Variants in PICALM observed in about 807,000 individuals in gnomAD.
PICALM encodes the protein phosphatidylinositol binding clathrin assembly protein.
Under a neutral mutation model 80.5 loss-of-function variants are expected in PICALM, and 40 were observed. That is an observed-to-expected ratio of 0.50 (90% CI 0.39 to 0.65). The LOEUF is 0.65. Among genes scored for constraint, PICALM ranks in the 30% least tolerant of loss-of-function variants. PICALM has a pLI of 0.00. For missense variants in PICALM, 676 were observed against 778.9 expected (o/e 0.87, Z 1.57); for synonymous variants, 288 against 260.3 (o/e 1.11, Z -1.02).
At chr11:85,966,857 C>T (rs2093918472) in intron 19 of PICALM, among the ~76,000 whole-genome samples, 1 of 152,110 alleles carries the variant, frequency 6.6e-6, no homozygotes, top group South Asian at 2.1e-4. Flanking sequence ...AATGGGGCTA[C>T]CAAAAGCTGG....
At chr11:86,033,861 A>G (rs1218417263) in intron 1 of PICALM, among the ~76,000 whole-genome samples, 19 of 152,202 alleles carry the variant, frequency 1.2e-4, no homozygotes, top group Admixed American at 1.2e-3. Flanking sequence ...TTTTTTCAAA[A>G]GCATCCAAGA....
intron 19 of PICALM, among the ~76,000 whole-genome samples, chr11:85,963,236 G>T (rs539461647): frequency 6.6e-6 from 1 of 151,946 alleles, no homozygotes; most frequent in South Asian, 2.1e-4. Flanking sequence ...TTCACATAAA[G>T]CACAAAATCA....
chr11:85,977,406 T>C (rs2094316100), intron 17 of PICALM, among the ~76,000 whole-genome samples: 1 of 152,214 alleles, frequency 6.6e-6, no homozygotes, highest in Admixed American at 6.5e-5. Flanking sequence ...AAACATACAA[T>C]TTGAGAACAG....
intron 5 of PICALM, 111 bp downstream of exon 5, chr11:86,014,759 A>G: frequency 1.8e-6 from 1 of 565,162 alleles, no homozygotes; most frequent in African/African-American, 2.0e-5. Flanking sequence ...TTAGCCATAT[A>G]GGATATCAGG....
chr11:86,031,351 T>A (rs771553153), intron 2 of PICALM, 118 bp downstream of exon 2: 5 of 711,706 alleles, frequency 7.0e-6, no homozygotes, highest in African/African-American at 1.8e-5. Context: ...ATAATTATAT[T>A]TCTGGCTAGG....
intron 4 of PICALM, among the ~76,000 whole-genome samples, chr11:86,017,916 G>A (rs1159140525): frequency 6.6e-6 from 1 of 152,192 alleles, no homozygotes; most frequent in African/African-American, 2.4e-5. Flanking sequence ...GTGCGCCTGT[G>A]TGAATATACA....
chr11:86,063,634 T>C (rs373485489), intron 1 of PICALM, among the ~76,000 whole-genome samples: 1 of 152,148 alleles, frequency 6.6e-6, no homozygotes, highest in Non-Finnish European at 1.5e-5. Flanking sequence ...TGTTCTGCCA[T>C]GGCGACAGAA....
At chr11:86,063,699 C>A (rs981906582) in intron 1 of PICALM, among the ~76,000 whole-genome samples, 1 of 152,118 alleles carries the variant, frequency 6.6e-6, no homozygotes, top group Non-Finnish European at 1.5e-5. Flanking sequence ...TCAAATCTTA[C>A]TCATTACTAC....
intron 12 of PICALM, among the ~76,000 whole-genome samples, chr11:85,993,750 A>C (rs1016259375): frequency 6.6e-6 from 1 of 152,120 alleles, no homozygotes; most frequent in Non-Finnish European, 1.5e-5. Flanking sequence ...GCAAAAGTTT[A>C]ATTTTATGCT....
chr11:86,047,002 G>A (rs1406805332), intron 1 of PICALM, among the ~76,000 whole-genome samples: 2 of 152,272 alleles, frequency 1.3e-5, no homozygotes, highest in East Asian at 1.9e-4. Context: ...CAACAGCCTT[G>A]TGCCAAGGCA....
At chr11:86,035,455 AAAAG>A (rs2095824586) in intron 1 of PICALM, among the ~76,000 whole-genome samples, 1 of 152,228 alleles carries the variant, frequency 6.6e-6, no homozygotes, top group South Asian at 2.1e-4. Context: ...GATTTTCTAA[AAAAG>A]AAGCCTGGCC....
At chr11:86,024,417 T>TA (rs780499259) in intron 3 of PICALM, among the ~76,000 whole-genome samples, 180 of 133,034 alleles carry the variant, frequency 1.4e-3, no homozygotes, top group African/African-American at 2.2e-3. Context: ...CCAGTCACAT[T>TA]AAAAAAAAAA....
chr11:85,997,991 A>G (rs2095029779), intron 11 of PICALM, among the ~76,000 whole-genome samples: 1 of 152,100 alleles, frequency 6.6e-6, no homozygotes, highest in Non-Finnish European at 1.5e-5. Flanking sequence ...CACACTGCCC[A>G]GGCTGGCCTC....
At chr11:86,050,945 C>T (rs1487063223) in intron 1 of PICALM, among the ~76,000 whole-genome samples, 2 of 152,152 alleles carry the variant, frequency 1.3e-5, no homozygotes, top group Non-Finnish European at 2.9e-5. Flanking sequence ...ACCTCAGTCA[C>T]CTGAGTAGCT....
chr11:86,048,846 A>C (rs2096125727), intron 1 of PICALM, among the ~76,000 whole-genome samples: 1 of 151,974 alleles, frequency 6.6e-6, no homozygotes, highest in Non-Finnish European at 1.5e-5. Context: ...TCAAAAAAAA[A>C]AAAAAAAAAA....
chr11:85,995,563 T>A (rs1311883630), intron 12 of PICALM, among the ~76,000 whole-genome samples: 1 of 152,192 alleles, frequency 6.6e-6, no homozygotes, highest in Admixed American at 6.5e-5. Context: ...TTCTTTGAAA[T>A]GTTTAATATA....
At chr11:86,040,023 A>G (rs2137022954) in intron 1 of PICALM, among the ~76,000 whole-genome samples, 1 of 151,350 alleles carries the variant, frequency 6.6e-6, no homozygotes, top group African/African-American at 2.4e-5. Context: ...AAAAAAAAAA[A>G]AAAAGGCAAC....
In PICALM at chr11:86,040,304, G is replaced by A. The variant is rs369938461; in HGVS notation, c.131-8693C>T. On this transcript the variant is annotated intron_variant, in intron 1 of 19. Coordinates refer to ENST00000393346, the MANE Select transcript of PICALM (RefSeq NM_007166.4). The stretch of plus-strand genomic sequence containing the variant: ...ATGTGGTGAGGTATGTATGAGTGGC[G>A]AAAAGAAACTACTATTTTAAAATCA... 3.0e-3 allele frequency among the ~76,000 whole-genome samples: 455 copies of A among 152,186 alleles called. 3 individuals are homozygous for A. Among genetic ancestry groups the A allele is most frequent in the African/African-American group, 0.01 (435 of 41,528 alleles).
At chr11:85,975,254 A>T (rs891904460) in intron 18 of PICALM, among the ~76,000 whole-genome samples, 3 of 152,110 alleles carry the variant, frequency 2.0e-5, no homozygotes, top group African/African-American at 7.2e-5. Context: ...AAGACAGTTG[A>T]TTCTCTGAAT....
Sources: gnomAD v4.1 joint callset for allele counts (sites outside exome capture counted in the v4.1 genomes callset) on GRCh38, gnomAD v4.1.1 for gene constraint, MANE v1.5 for transcripts, NCBI Gene and HGNC (gene_info 2026-07-23, HGNC 2026-07-21) for gene names.